MALRD1: variants seen among roughly 807,000 people sequenced by gnomAD.
MALRD1 encodes the protein MAM and LDL-receptor class A domain-containing protein 1.
Under a neutral mutation model 242.1 loss-of-function variants are expected in MALRD1, and 247 were observed. The observed-to-expected ratio is 1.02, with a 90% CI of 0.92 to 1.13. The LOEUF is 1.13. Among genes scored for constraint, MALRD1 ranks in the 50% most tolerant of loss-of-function variants. The probability of loss-of-function intolerance (pLI) is 0.00; values close to 1 mark genes in which losing one functional copy is unlikely to be tolerated. For missense variants in MALRD1, 2,989 were observed against 2,533.1 expected (o/e 1.18, Z -3.86); for synonymous variants, 995 against 866.6 (o/e 1.15, Z -2.60).
intron 29 of MALRD1, among the ~76,000 whole-genome samples, chr10:19,487,855 A>G (rs916040669): frequency 1.3e-5 from 2 of 152,118 alleles, no homozygotes; most frequent in African/African-American, 2.4e-5. Context: ...TATATACCAA[A>G]TTTTACTGGT....
At chr10:19,158,540 G>A (rs1834263897) in intron 12 of MALRD1, among the ~76,000 whole-genome samples, 1 of 152,186 alleles carries the variant, frequency 6.6e-6, no homozygotes. Flanking sequence ...ATTCAAGGAA[G>A]TAAAGAGAAA....
chr10:19,146,444 A>C (rs780255406), intron 11 of MALRD1, 100 bp downstream of exon 11: 2 of 1,046,928 alleles, frequency 1.9e-6, no homozygotes, highest in Non-Finnish European at 2.4e-6. Context: ...GACTGTATAC[A>C]TGGAACTCTG....
chr10:19,484,079 C>T (rs934539046), intron 29 of MALRD1, among the ~76,000 whole-genome samples: 2 of 152,062 alleles, frequency 1.3e-5, no homozygotes, highest in Non-Finnish European at 2.9e-5. Context: ...CTTGGGTGCT[C>T]ATGGACATAA....
chr10:19,060,149 T>C (rs942063900), intron 1 of MALRD1, among the ~76,000 whole-genome samples: 3 of 152,114 alleles, frequency 2.0e-5, no homozygotes, highest in African/African-American at 7.2e-5. Context: ...GGGCTCTCTT[T>C]TGTGTGTTTG....
intron 31 of MALRD1, among the ~76,000 whole-genome samples, chr10:19,502,366 A>G (rs1260114877): frequency 6.6e-6 from 1 of 152,150 alleles, no homozygotes; most frequent in Non-Finnish European, 1.5e-5. Context: ...TCTTAATGTT[A>G]TGCATTTTCA....
rs1835147461 is a variant in MALRD1 at position 19,174,637 on chromosome 10, G to A, written c.1831-571G>A. Among the ~76,000 whole-genome samples the A allele has an allele frequency of 2.6e-5, 4 of 151,748 alleles. No individual in the cohort carries two copies. The South Asian group carries it at 8.3e-4, about 31-fold the overall frequency. ...AACAAATTATATCAGTCATTATTCA[G>A]CGTTAGAATAAACTAAAATTAAATA... On this transcript the variant is annotated intron_variant, in intron 13 of 39. Coordinates refer to ENST00000454679, the MANE Select transcript of MALRD1 (RefSeq NM_001142308.3).
chr10:19,165,263 A>G (rs374929720), intron 12 of MALRD1, among the ~76,000 whole-genome samples: 1 of 131,232 alleles, frequency 7.6e-6, no homozygotes. Context: ...ATATATATAT[A>G]TATTTTGTTT....
At chr10:19,126,432 G>T (rs954791668) in intron 7 of MALRD1, among the ~76,000 whole-genome samples, 6 of 151,786 alleles carry the variant, frequency 4.0e-5, no homozygotes, top group African/African-American at 1.5e-4. Context: ...ACATTTCAGG[G>T]CTTCTGGTAC....
At chr10:19,220,899 A>G (rs1425675860) in intron 18 of MALRD1, among the ~76,000 whole-genome samples, 1 of 152,084 alleles carries the variant, frequency 6.6e-6, no homozygotes, top group Non-Finnish European at 1.5e-5. Flanking sequence ...TTCTCCTAAC[A>G]TGGCCCCTTT....
intron 32 of MALRD1, among the ~76,000 whole-genome samples, chr10:19,545,330 A>G (rs1393542766): frequency 6.6e-6 from 1 of 152,114 alleles, no homozygotes; most frequent in African/African-American, 2.4e-5. Context: ...ACTTTAGGGG[A>G]ATACATTCAT....
At position 19,146,305 on chromosome 10, in the gene MALRD1, C is replaced by T. The variant is rs777474609; in HGVS notation, c.1519C>T (p.His507Tyr). ...GAAAGGATTGAATAATGGAGAGCAC[C>T]ACTTTCCTGCAGCTGATCACACAGC... ...LMKGLNNGEH[H>Y]FPAADHTANI... Residue 507 changes from histidine (H) to tyrosine (Y), a missense_variant, in exon 11 of 40, where the codon CAC becomes TAC. Physicochemically the swap from His to Tyr is moderately conservative, Grantham distance 83. Coordinates refer to ENST00000454679, the MANE Select transcript of MALRD1 (RefSeq NM_001142308.3). The T allele has an allele frequency of 8.1e-7, 1 of 1,231,432 alleles. No homozygotes were observed. The highest frequency in any genetic ancestry group is 1.6e-5 in the African/African-American group (1 of 64,398). 76.3% of individuals were successfully genotyped at this position (1,231,432 alleles called of 1,614,324 possible). A position where few individuals can be genotyped will look rare whatever the true frequency, so the allele number is the denominator to read the frequency against.
chr10:19,660,125 CT>C (rs1166862632), intron 36 of MALRD1, among the ~76,000 whole-genome samples: 1 of 152,086 alleles, frequency 6.6e-6, no homozygotes, highest in Non-Finnish European at 1.5e-5. Context: ...AACAAAATGA[CT>C]TTTTTGTTCT....
chr10:19,311,297 AAAG>A (rs1406767893), intron 21 of MALRD1, among the ~76,000 whole-genome samples: 29 of 151,564 alleles, frequency 1.9e-4, no homozygotes, highest in East Asian at 5.8e-4. Flanking sequence ...TCTTATAAAA[AAAG>A]AAGAAAGACA....
chr10:19,362,993 G>A (rs1169505049), intron 26 of MALRD1, among the ~76,000 whole-genome samples: 1 of 150,920 alleles, frequency 6.6e-6, no homozygotes, highest in Non-Finnish European at 1.5e-5. Flanking sequence ...CAGAGGAAGT[G>A]AGGGAGACTG....
chr10:19,457,887 A>G lies in MALRD1; in HGVS notation c.5029+7397A>G, dbSNP rs1835741863. ...ATGTTTTAAAATTTTTTAATATTCA[A>G]ATAATCCTTATTGTTACAGGCTTGT... On this transcript the variant is annotated intron_variant, in intron 29 of 39. Transcript: ENST00000454679. 1.3e-5 allele frequency among the ~76,000 whole-genome samples: 2 copies of G among 151,952 alleles called. 1 individual carries two copies. Among genetic ancestry groups the G allele is most frequent in the South Asian group, 4.2e-4 (2 of 4,806 alleles).
At chr10:19,635,797 A>G (rs554864536) in intron 36 of MALRD1, among the ~76,000 whole-genome samples, 1 of 152,330 alleles carries the variant, frequency 6.6e-6, no homozygotes, top group African/African-American at 2.4e-5. Flanking sequence ...TGCATGCAAA[A>G]CATACACTGA....
chr10:19,303,063 T>C (rs1040649170), intron 21 of MALRD1, among the ~76,000 whole-genome samples: 6 of 151,234 alleles, frequency 4.0e-5, no homozygotes, highest in African/African-American at 1.5e-4. Flanking sequence ...TTGGGCTAAA[T>C]ACGCAATTGA....
chr10:19,157,333 C>T (rs959320253), intron 12 of MALRD1, among the ~76,000 whole-genome samples: 15 of 147,514 alleles, frequency 1.0e-4, no homozygotes, highest in African/African-American at 3.8e-4. Flanking sequence ...AGTGCAGTGG[C>T]GCAATCTGGG....
intron 11 of MALRD1, among the ~76,000 whole-genome samples, chr10:19,147,681 T>C (rs1423367438): frequency 6.6e-6 from 1 of 152,212 alleles, no homozygotes; most frequent in East Asian, 1.9e-4. Context: ...GTAGCTTAAG[T>C]AGATAAGCAA....
Sources: allele counts gnomAD v4.1 joint callset (sites outside exome capture counted in the v4.1 genomes callset), GRCh38; gene constraint gnomAD v4.1.1; transcripts MANE v1.5; gene names NCBI Gene and HGNC (gene_info 2026-07-23, HGNC 2026-07-21).